Variants in CSMD1 observed in about 807,000 individuals in gnomAD.
The protein encoded by CSMD1 is CUB and Sushi multiple domains 1, also known as CUB and sushi domain-containing protein 1.
Under a neutral mutation model 417.5 loss-of-function variants are expected in CSMD1, and 213 were observed. The observed-to-expected ratio is 0.51, with a 90% CI of 0.46 to 0.57. CSMD1 has a LOEUF of 0.57. CSMD1 is among the 20% of genes least tolerant of loss of function. The pLI, the probability that CSMD1 is intolerant of heterozygous loss-of-function variation, is 0.00. For missense variants in CSMD1, 6,923 were observed against 4,529.7 expected, an observed-to-expected ratio of 1.53 and a Z score of -15.17; for synonymous variants, 2,862 against 1,736.8, an observed-to-expected ratio of 1.65 and a Z score of -16.11.
intron 3 of CSMD1, among the ~76,000 whole-genome samples, chr8:4,261,767 A>G (rs1803903172): frequency 6.6e-6 from 1 of 152,090 alleles, no homozygotes; most frequent in Non-Finnish European, 1.5e-5. Flanking sequence ...ATGTGAAGTG[A>G]TGAATATGTT....
intron 1 of CSMD1, among the ~76,000 whole-genome samples, chr8:4,943,085 G>A (rs1421345230): frequency 6.6e-6 from 1 of 152,120 alleles, no homozygotes; most frequent in Non-Finnish European, 1.5e-5. Flanking sequence ...AACAGATGAA[G>A]ACAATGACTC....
At chr8:3,392,109 G>C (rs1047852553) in intron 17 of CSMD1, among the ~76,000 whole-genome samples, 7 of 128,474 alleles carry the variant, frequency 5.4e-5, no homozygotes, top group Non-Finnish European at 1.1e-4. Context: ...CCTGTTGTGC[G>C]GTGGGGGGAG....
chr8:4,908,868 TA>T (rs1477316222), intron 1 of CSMD1, among the ~76,000 whole-genome samples: 3 of 152,202 alleles, frequency 2.0e-5, no homozygotes, highest in South Asian at 2.1e-4. Context: ...TGATAAATCA[TA>T]ATTGTTCTAA....
intron 2 of CSMD1, among the ~76,000 whole-genome samples, chr8:4,430,136 C>T (rs933955100): frequency 4.6e-5 from 7 of 152,140 alleles, no homozygotes; most frequent in Non-Finnish European, 7.3e-5. Flanking sequence ...GTGCTGATTC[C>T]ACAAAGCAAA....
chr8:3,386,124 T>C (rs1810987769), intron 18 of CSMD1, among the ~76,000 whole-genome samples: 2 of 152,098 alleles, frequency 1.3e-5, no homozygotes, highest in Non-Finnish European at 2.9e-5. Context: ...CCTAGACAAA[T>C]GGAGTTGATG....
chr8:3,868,783 T>A (rs1805281436), intron 5 of CSMD1, among the ~76,000 whole-genome samples: 1 of 152,164 alleles, frequency 6.6e-6, no homozygotes. Flanking sequence ...TCGCTATACC[T>A]TCAAAATATA....
intron 6 of CSMD1, among the ~76,000 whole-genome samples, chr8:3,730,256 C>A (rs1270043310): frequency 1.3e-5 from 2 of 152,062 alleles, no homozygotes; most frequent in Non-Finnish European, 2.9e-5. Flanking sequence ...GAGAAAATAC[C>A]TTGAGCACAT....
intron 2 of CSMD1, among the ~76,000 whole-genome samples, chr8:4,630,879 C>T (rs1219602077): frequency 6.6e-6 from 1 of 152,176 alleles, no homozygotes; most frequent in East Asian, 1.9e-4. Context: ...GGGATCCTCC[C>T]TCACCCTGTG....
chr8:3,542,042 T>C (rs77096724), intron 10 of CSMD1, among the ~76,000 whole-genome samples: 2,694 of 152,266 alleles, frequency 0.018, 79 homozygotes, highest in African/African-American at 0.062. Context: ...TGTTGTTAAT[T>C]ATCTACTTCC....
intron 5 of CSMD1, among the ~76,000 whole-genome samples, chr8:3,881,161 A>G (rs1172752875): frequency 6.6e-6 from 1 of 152,164 alleles, no homozygotes; most frequent in Non-Finnish European, 1.5e-5. Context: ...TGTACATTAG[A>G]AGACACAATA....
intron 5 of CSMD1, among the ~76,000 whole-genome samples, chr8:3,847,801 C>G (rs1418066755): frequency 1.3e-5 from 2 of 152,068 alleles, no homozygotes; most frequent in African/African-American, 2.4e-5. Flanking sequence ...TAGTTGGGTG[C>G]CAATAATTGC....
At chr8:3,839,803 A>G (rs1366177458) in intron 5 of CSMD1, among the ~76,000 whole-genome samples, 4 of 151,746 alleles carry the variant, frequency 2.6e-5, no homozygotes, top group Admixed American at 6.6e-5. Context: ...GCTGGTGGCC[A>G]AACTAGAGAC....
intron 3 of CSMD1, among the ~76,000 whole-genome samples, chr8:4,114,438 C>T (rs542969457): frequency 9.2e-5 from 14 of 152,272 alleles, no homozygotes; most frequent in East Asian, 1.9e-4. Flanking sequence ...CAGGTGGTTA[C>T]GGAAGAGCTT....
In CSMD1 at chr8:3,263,495, T is replaced by TAATC. The variant is rs372135268; in HGVS notation, c.4153+20645_4153+20648dup. Among the ~76,000 whole-genome samples, 1,109 of 152,330 alleles carry TAATC rather than the reference T, an allele frequency of 7.3e-3. 13 individuals are homozygous for TAATC. The highest frequency in any genetic ancestry group is 0.025 in the African/African-American group (1,040 of 41,570). On this transcript the variant is annotated intron_variant, in intron 26 of 69. Transcript: ENST00000635120. The stretch of plus-strand genomic sequence containing the variant: ...TCTCAGATGAATTCAAAGAGCCTTA[T>TAATC]AATCAGTTATTGGAAAGAGAATATT...
At chr8:4,665,998 C>T (rs1394133099) in intron 1 of CSMD1, among the ~76,000 whole-genome samples, 1 of 152,178 alleles carries the variant, frequency 6.6e-6, no homozygotes, top group African/African-American at 2.4e-5. Context: ...ATGAACTCTG[C>T]ATCGGCAGCA....
chr8:3,380,787 T>C (rs1810581005), intron 18 of CSMD1, among the ~76,000 whole-genome samples: 1 of 151,860 alleles, frequency 6.6e-6, no homozygotes, highest in South Asian at 2.1e-4. Flanking sequence ...AAATACCTAA[T>C]GTAGATGATG....
intron 49 of CSMD1, among the ~76,000 whole-genome samples, chr8:3,054,050 T>C (rs949751721): frequency 6.6e-6 from 1 of 152,126 alleles, no homozygotes; most frequent in African/African-American, 2.4e-5. Context: ...GGTGACACAA[T>C]GACTTAGTAA....
chr8:4,092,982 A>G (rs994423198), intron 3 of CSMD1, among the ~76,000 whole-genome samples: 9 of 152,108 alleles, frequency 5.9e-5, no homozygotes, highest in Non-Finnish European at 1.3e-4. Context: ...TATCTTATAC[A>G]TAGTGGGGGT....
At chr8:3,962,139 C>CGA (rs1365041143) in intron 5 of CSMD1, among the ~76,000 whole-genome samples, 3 of 152,108 alleles carry the variant, frequency 2.0e-5, no homozygotes, top group Non-Finnish European at 4.4e-5. Flanking sequence ...GTCCAGCCCA[C>CGA]ACCTGAGCAC....
Sources: allele counts gnomAD v4.1 joint callset (sites outside exome capture counted in the v4.1 genomes callset), GRCh38; gene constraint gnomAD v4.1.1; transcripts MANE v1.5; gene names NCBI Gene and HGNC (gene_info 2026-07-23, HGNC 2026-07-21).